The following GRIK1 variants were observed in gnomAD, a reference collection of about 807,000 sequenced individuals.
The protein encoded by GRIK1 is glutamate receptor ionotropic, kainate 1.
A neutral mutation model predicts 105.7 loss-of-function variants in GRIK1; 69 were observed. That is an observed-to-expected ratio of 0.65 (90% confidence interval 0.54 to 0.80). GRIK1 has a LOEUF of 0.80. Among genes scored for constraint, GRIK1 ranks in the 30% least tolerant of loss-of-function variants. The pLI, the probability that GRIK1 is intolerant of heterozygous loss-of-function variation, is 0.00. For missense variants in GRIK1, 1,109 were observed against 1,167.3 expected, an observed-to-expected ratio of 0.95 and a Z score of 0.73; for synonymous variants, 438 against 431.3, an observed-to-expected ratio of 1.02 and a Z score of -0.19.
intron 4 of GRIK1, among the ~76,000 whole-genome samples, chr21:29,665,551 A>G (rs1310791523): frequency 2.6e-5 from 4 of 152,242 alleles, no homozygotes; most frequent in African/African-American, 9.6e-5. Flanking sequence ...AGAAACTTTA[A>G]GAAAGAATGA....
intron 1 of GRIK1, among the ~76,000 whole-genome samples, chr21:29,858,806 C>G (rs2068544299): frequency 6.6e-6 from 1 of 151,766 alleles, no homozygotes; most frequent in South Asian, 2.1e-4. Flanking sequence ...GCCCTTCACT[C>G]CACCCTGGCA....
At chr21:29,560,929 A>C (rs1048464745) in intron 15 of GRIK1, among the ~76,000 whole-genome samples, 2 of 152,030 alleles carry the variant, frequency 1.3e-5, no homozygotes, top group African/African-American at 4.8e-5. Flanking sequence ...AGAGGGAAAA[A>C]ATAGAGAGGG....
At chr21:29,825,311 A>T (rs893829974) in intron 1 of GRIK1, among the ~76,000 whole-genome samples, 9 of 152,170 alleles carry the variant, frequency 5.9e-5, no homozygotes, top group African/African-American at 2.2e-4. Flanking sequence ...GTGCATTATG[A>T]TATTGAGAGT....
chr21:29,621,422 A>AT (rs1234844300), intron 7 of GRIK1, among the ~76,000 whole-genome samples: 1 of 152,060 alleles, frequency 6.6e-6, no homozygotes, highest in Non-Finnish European at 1.5e-5. Flanking sequence ...GGGGAAGACG[A>AT]TCTAAAACCT....
chr21:29,863,874 A>C (rs1303372355), intron 1 of GRIK1, among the ~76,000 whole-genome samples: 1 of 152,182 alleles, frequency 6.6e-6, no homozygotes, highest in African/African-American at 2.4e-5. Context: ...ACAGAATTAC[A>C]TACTTCTTCT....
chr21:29,772,975 A>G (rs1039227768), intron 1 of GRIK1, among the ~76,000 whole-genome samples: 12 of 152,182 alleles, frequency 7.9e-5, no homozygotes, highest in African/African-American at 2.9e-4. Flanking sequence ...TGCTCCATTT[A>G]GTAATACAGG....
At chr21:29,894,230 G>A (rs1174041036) in intron 1 of GRIK1, among the ~76,000 whole-genome samples, 1 of 152,116 alleles carries the variant, frequency 6.6e-6, no homozygotes. Flanking sequence ...TCCCACGAGA[G>A]ACCATCTGCA....
chr21:29,591,052 C>T (rs772029110), intron 10 of GRIK1, 60 bp downstream of exon 10: 4 of 907,448 alleles, frequency 4.4e-6, no homozygotes, highest in South Asian at 1.3e-5. Flanking sequence ...TTGAGGAATG[C>T]TTCGAAGTCT....
intron 4 of GRIK1, among the ~76,000 whole-genome samples, chr21:29,670,059 C>T (rs1023558354): frequency 2.0e-5 from 3 of 152,130 alleles, no homozygotes; most frequent in Non-Finnish European, 4.4e-5. Context: ...GACCTGAGTC[C>T]TCTGTAGTTA....
At chr21:29,620,802 T>G (rs189608314) in intron 7 of GRIK1, among the ~76,000 whole-genome samples, 18,746 of 127,200 alleles carry the variant, frequency 0.15, 1,650 homozygotes, top group African/African-American at 0.27. Flanking sequence ...TCTATATATA[T>G]ATAGATATAT....
chr21:29,780,095 T>G (rs1438658727), intron 1 of GRIK1, among the ~76,000 whole-genome samples: 1 of 152,214 alleles, frequency 6.6e-6, no homozygotes, highest in Non-Finnish European at 1.5e-5. Flanking sequence ...ATCTCATAAA[T>G]AGATACTACC....
chr21:29,561,145 A>C (rs2090469653), intron 15 of GRIK1, among the ~76,000 whole-genome samples: 1 of 152,146 alleles, frequency 6.6e-6, no homozygotes, highest in Non-Finnish European at 1.5e-5. Context: ...TCAGACTTAT[A>C]ATTTAATCTT....
chr21:29,931,772 A>ATG (rs1184172851), intron 1 of GRIK1, among the ~76,000 whole-genome samples: 2 of 152,094 alleles, frequency 1.3e-5, no homozygotes, highest in Non-Finnish European at 2.9e-5. Flanking sequence ...AAGGAAATAC[A>ATG]TGTGTGTGTG....
intron 3 of GRIK1, among the ~76,000 whole-genome samples, chr21:29,682,548 A>G (rs2146682754): frequency 6.6e-6 from 1 of 152,314 alleles, no homozygotes; most frequent in African/African-American, 2.4e-5. Context: ...TCCCTACTCA[A>G]TAAATAATGC....
At chr21:29,937,184 G>C (rs1393240765) in intron 1 of GRIK1, among the ~76,000 whole-genome samples, 1 of 152,058 alleles carries the variant, frequency 6.6e-6, no homozygotes, top group Non-Finnish European at 1.5e-5. Context: ...ACACAAGAAA[G>C]TCACTGTAGA....
At chr21:29,897,453 T>C (rs2030052413) in intron 1 of GRIK1, among the ~76,000 whole-genome samples, 1 of 152,218 alleles carries the variant, frequency 6.6e-6, no homozygotes, top group South Asian at 2.1e-4. Context: ...GATCTTTCCT[T>C]CAAACATGTA....
rs184352997 is a variant in GRIK1 at position 29,576,951 on chromosome 21, G to A, written c.2130+13C>T. On this transcript the variant is annotated intron_variant, in intron 14 of 17. Coordinates refer to ENST00000327783, the MANE Select transcript of GRIK1 (RefSeq NM_001330994.2). ...ATCAGATAATCACTGAGAACACTTT[G>A]TCAGCTTCTTACCTTGAAGAAGGTC... The A allele has an allele frequency of 4.2e-6, 6 of 1,441,476 alleles. No individual in the cohort carries two copies. In the African/African-American group the frequency reaches 7.1e-5, roughly 17 times the overall value. 89.3% of individuals were successfully genotyped at this position (1,441,476 alleles called of 1,614,324 possible).
At chr21:29,584,732 T>C (rs536922327) in intron 12 of GRIK1, among the ~76,000 whole-genome samples, 5 of 152,308 alleles carry the variant, frequency 3.3e-5, no homozygotes, top group Middle Eastern at 6.8e-3. Context: ...TATAGATAAT[T>C]ATGAAATTTA....
chr21:29,890,818 C>A (rs2069867810), intron 1 of GRIK1, among the ~76,000 whole-genome samples: 1 of 152,026 alleles, frequency 6.6e-6, no homozygotes, highest in East Asian at 1.9e-4. Context: ...TAAAAAGATG[C>A]CCTTGTTACA....
Sources: allele counts gnomAD v4.1 joint callset (sites outside exome capture counted in the v4.1 genomes callset), GRCh38; gene constraint gnomAD v4.1.1; transcripts MANE v1.5; gene names NCBI Gene and HGNC (gene_info 2026-07-23, HGNC 2026-07-21).